The following ELFN2 variants were observed in gnomAD, a reference collection of about 807,000 sequenced individuals.
The protein encoded by ELFN2 is protein phosphatase 1 regulatory subunit 29.
ELFN2 carries 17 observed loss-of-function variants against 45.5 expected under a neutral mutation model. The observed-to-expected ratio is 0.37, with a 90% CI of 0.26 to 0.56. The LOEUF is 0.56. Ranked by LOEUF, ELFN2 falls within the 20% of genes least tolerant of loss-of-function variation. ELFN2 has a pLI of 0.77. For synonymous variants in ELFN2, 550 were observed against 551.5 expected (o/e 1.00, Z 0.04); for missense variants, 922 against 1,183.2 (o/e 0.78, Z 3.24).
intron 2 of ELFN2, among the ~76,000 whole-genome samples, chr22:37,401,153 G>A (rs1932353205): frequency 6.6e-6 from 1 of 152,200 alleles, no homozygotes; most frequent in East Asian, 1.9e-4. Context: ...CCAGAGGAAG[G>A]GTCACCTAGC....
At chr22:37,413,914 G>A (rs1340902103) in intron 2 of ELFN2, among the ~76,000 whole-genome samples, 1 of 152,196 alleles carries the variant, frequency 6.6e-6, no homozygotes, top group Non-Finnish European at 1.5e-5. Flanking sequence ...CCAGCAAGGT[G>A]GTATACAGCA....
chr22:37,404,783 T>C (rs9610740), intron 2 of ELFN2, among the ~76,000 whole-genome samples: 77,170 of 151,410 alleles, frequency 0.51, 20,545 homozygotes, highest in African/African-American at 0.67. Flanking sequence ...CTGCCACATC[T>C]GCCTGTGTTC....
chr22:37,422,605 T>A (rs1227616005), intron 1 of ELFN2, among the ~76,000 whole-genome samples: 1 of 151,800 alleles, frequency 6.6e-6, no homozygotes, highest in African/African-American at 2.4e-5. Context: ...CTGGGGAAGT[T>A]TTTTTTGAGA....
chr22:37,348,616 C>G (rs992995506), intron 1 of ELFN2, among the ~76,000 whole-genome samples: 5 of 150,672 alleles, frequency 3.3e-5, no homozygotes, highest in African/African-American at 1.2e-4. Flanking sequence ...CTGTCCCACA[C>G]TCTTCCCCAT....
Position 37,382,325 on chromosome 22 carries a change from G to A in ELFN2, c.-462-6329C>T, listed in dbSNP as rs570217603. Among the ~76,000 whole-genome samples the A allele has an allele frequency of 9.9e-5, 15 of 151,716 alleles. No homozygotes were observed. In the South Asian group the frequency reaches 1.7e-3, roughly 17 times the overall value. ...TTTTTCCTTTTCTTTGCTCACTGCC[G>A]CCTCTGCCTCCCAGGTTCAAGTGAT... On this transcript the variant is annotated intron_variant, in intron 2 of 2. Coordinates refer to ENST00000402918, the MANE Select transcript of ELFN2 (RefSeq NM_052906.5).
chr22:37,375,281 T>C lies in ELFN2; in HGVS notation c.254A>G (p.Asn85Ser). 1 of 1,613,790 alleles carries C rather than the reference T, an allele frequency of 6.2e-7. No homozygotes were observed. Among genetic ancestry groups the C allele is most frequent in the South Asian group, 1.1e-5 (1 of 91,062 alleles). Residue 85 changes from asparagine to serine, a missense_variant, in exon 3 of 3, where the codon AAC becomes AGC. Asn to Ser is a conservative substitution (Grantham distance 46, BLOSUM62 1). Around this residue, in one of 2 missense-constraint regions of ELFN2, gnomAD observed 358 missense variants for 540.4 expected, o/e 0.66. Coordinates refer to ENST00000402918, the MANE Select transcript of ELFN2 (RefSeq NM_052906.5). ...LNRFGNLTDLNLTKNEISYIE... is the reference protein window; with the variant it reads ...LNRFGNLTDLSLTKNEISYIE... ...GTAGGAGATCTCGTTCTTGGTGAGG[T>C]TGAGGTCGGTGAGGTTCCCAAAGCG...
chr22:37,425,545 C>A (rs1368542826), intron 1 of ELFN2, among the ~76,000 whole-genome samples: 1 of 151,862 alleles, frequency 6.6e-6, no homozygotes, highest in African/African-American at 2.4e-5. Context: ...GGGGGAGCAA[C>A]CTCCGACAAA....
chr22:37,372,977 C>A lies in ELFN2; in HGVS notation c.*95G>T. 3 of 1,414,818 alleles carry A rather than the reference C, an allele frequency of 2.1e-6. No homozygotes were observed. Among genetic ancestry groups the A allele is most frequent in the Non-Finnish European group, 1.9e-6 (2 of 1,066,222 alleles). 87.6% of individuals were successfully genotyped at this position (1,414,818 alleles called of 1,614,324 possible). A position where few individuals can be genotyped will look rare whatever the true frequency, so the allele number is the denominator to read the frequency against. On this transcript the variant is annotated 3_prime_UTR_variant, in exon 3 of 3. Coordinates refer to ENST00000402918, the MANE Select transcript of ELFN2 (RefSeq NM_052906.5). This position sits in a 1 kb window ranked among gnomAD's most constrained non-coding sequence, Gnocchi z 4.4. ...ATGTGCGTCCTCTCCTGGGCCTTGG[C>A]CCCCGAGTCTGCTCCCCGCCCTGGC...
chr22:37,373,893 T>C lies in ELFN2; in HGVS notation c.1642A>G (p.Ile548Val). 1 of 1,613,468 alleles carries C rather than the reference T, an allele frequency of 6.2e-7. No individual in the cohort carries two copies. The highest frequency in any genetic ancestry group is 8.5e-7 in the Non-Finnish European group (1 of 1,179,980). ...TTGAGAGCATCGATGCAGTTGTTAA[T>C]GATCTGGTTGACCTTGTCCACCTCC... ...AKEVDKVNQIINNCIDALKLD... is the reference protein window; with the variant it reads ...AKEVDKVNQIVNNCIDALKLD... Residue 548 changes from isoleucine (I) to valine (V), a missense_variant, in exon 3 of 3, where the codon ATT (isoleucine) becomes GTT (valine). Around this residue, in one of 2 missense-constraint regions of ELFN2, gnomAD observed 564 missense variants for 642.8 expected, o/e 0.88. Coordinates refer to ENST00000402918, the MANE Select transcript of ELFN2 (RefSeq NM_052906.5).
intron 2 of ELFN2, among the ~76,000 whole-genome samples, chr22:37,403,168 C>A (rs1477732452): frequency 6.6e-6 from 1 of 152,038 alleles, no homozygotes; most frequent in East Asian, 1.9e-4. Flanking sequence ...CATGAGGTAT[C>A]ACTCCATGAT....
At chr22:37,343,974 G>T (rs1305788094) in intron 1 of ELFN2, among the ~76,000 whole-genome samples, 6 of 151,594 alleles carry the variant, frequency 4.0e-5, no homozygotes, top group Non-Finnish European at 5.9e-5. Flanking sequence ...AGGGGCCGAG[G>T]GCTTACAGCA....
At chr22:37,391,847 G>A (rs1336715387) in intron 2 of ELFN2, among the ~76,000 whole-genome samples, 1 of 152,192 alleles carries the variant, frequency 6.6e-6, no homozygotes, top group Admixed American at 6.5e-5. Flanking sequence ...CAGGCAGTGC[G>A]TGGGTCCCAC....
intron 2 of ELFN2, among the ~76,000 whole-genome samples, chr22:37,394,522 T>G (rs987560632): frequency 1.3e-5 from 2 of 152,010 alleles, no homozygotes; most frequent in Admixed American, 6.6e-5. Context: ...CCAGGATGAC[T>G]CCTTGGTGAG....
chr22:37,399,744 G>A lies in ELFN2; in HGVS notation c.-463+18025C>T, dbSNP rs112348617. ...TGGGCCACCGGCCTCTGCCCTCACC[G>A]GCTGCTGGCTCCCATGAGATTGGAA... On this transcript the variant is annotated intron_variant, in intron 2 of 2. Coordinates refer to ENST00000402918, the MANE Select transcript of ELFN2 (RefSeq NM_052906.5). Among the ~76,000 whole-genome samples, 938 of 146,510 alleles carry A rather than the reference G, an allele frequency of 6.4e-3. 23 individuals are homozygous for A. Among genetic ancestry groups the A allele is most frequent in the African/African-American group, 0.024 (872 of 36,368 alleles).
At chr22:37,400,937 G>C (rs8138380) in intron 2 of ELFN2, among the ~76,000 whole-genome samples, 29,326 of 152,228 alleles carry the variant, frequency 0.19, 4,391 homozygotes, top group African/African-American at 0.42. Flanking sequence ...ATTTCATTCA[G>C]TCATTCATTT....
In ELFN2 at chr22:37,374,109, T is replaced by C. The variant is rs1931482372; in HGVS notation, c.1426A>G (p.Met476Val). Residue 476 changes from methionine to valine, a missense_variant, in exon 3 of 3, where the codon ATG (methionine) becomes GTG (valine). By Grantham distance (21) the Met-to-Val change is conservative. Around this residue, in one of 2 missense-constraint regions of ELFN2, gnomAD observed 564 missense variants for 642.8 expected, o/e 0.88. Transcript: ENST00000402918. ...GCGGTGGGCAGCTTCTCCCCGATCA[T>C]GGAGGGGATGGAGGCCATGCGAGAT... is the stretch of plus-strand genomic sequence containing the variant. ...PVSRMASIPS[M>V]IGEKLPTAKG... 6.2e-7 allele frequency: 1 copy of C among 1,612,870 alleles called. No individual in the cohort carries two copies. Among genetic ancestry groups the C allele is most frequent in the Non-Finnish European group, 8.5e-7 (1 of 1,179,968 alleles).
intron 2 of ELFN2, among the ~76,000 whole-genome samples, chr22:37,377,025 G>A (rs779915200): frequency 6.6e-6 from 1 of 152,218 alleles, no homozygotes; most frequent in Non-Finnish European, 1.5e-5. Context: ...CAATTAGCTA[G>A]GTAAACCACA....
intron 2 of ELFN2, among the ~76,000 whole-genome samples, chr22:37,382,016 G>GC (rs938307503): frequency 1.4e-5 from 2 of 139,476 alleles, no homozygotes; most frequent in African/African-American, 5.3e-5. Context: ...AGAGGGAGAA[G>GC]CCCCCCCTGT....
chr22:37,356,464 G>A (rs1341595691), intron 1 of ELFN2, among the ~76,000 whole-genome samples: 2 of 151,016 alleles, frequency 1.3e-5, no homozygotes, highest in Non-Finnish European at 2.9e-5. Flanking sequence ...GGAATTTCAG[G>A]GTTAGAGGGG....
Sources: gnomAD v4.1 joint callset for allele counts (sites outside exome capture counted in the v4.1 genomes callset) on GRCh38, gnomAD v4.1.1 for gene constraint, gnomAD v4.1.1 regional missense constraint, Gnocchi (gnomAD v3.1) non-coding constraint, MANE v1.5 for transcripts, NCBI Gene and HGNC (gene_info 2026-07-23, HGNC 2026-07-21) for gene names.